DMD: variants seen among roughly 807,000 people sequenced by gnomAD.
DMD encodes the protein mutant dystrophin.
A neutral mutation model predicts 330.1 loss-of-function variants in DMD; 63 were observed. That is an observed-to-expected ratio of 0.19 (90% CI 0.16 to 0.24). DMD has a LOEUF of 0.24. Among genes scored for constraint, DMD ranks in the 10% least tolerant of loss-of-function variants. The pLI is 1.00. For missense variants in DMD, 3,344 were observed against 2,684.1 expected (o/e 1.25, Z -5.43); for synonymous variants, 1,223 against 959.8 (o/e 1.27, Z -5.07).
At chrX:32,318,508 C>T (rs3788898) in intron 41 of DMD, among the ~76,000 whole-genome samples, 1 of 111,062 alleles carries the variant, frequency 9.0e-6, no homozygotes, top group African/African-American at 3.3e-5. Context: ...AATAATCAAT[C>T]TAATGAGTCT....
rs776455213 is a variant in DMD at position 32,984,242 on chromosome X, C to A, written c.93+35897G>T. On this transcript the variant is annotated intron_variant, in intron 2 of 78. Transcript: ENST00000357033. Reference sequence around the variant, plus strand: ...GTGTGAGTGTAGGAGAGTTATTTAACCTCTGTGCTATTTATTTATTTACTT... The same window carrying A: ...GTGTGAGTGTAGGAGAGTTATTTAAACTCTGTGCTATTTATTTATTTACTT... Among the ~76,000 whole-genome samples, 3 of 111,843 alleles carry A rather than the reference C, an allele frequency of 2.7e-5. No individual in the cohort carries two copies. The South Asian group carries it at 1.1e-3, about 42-fold the overall frequency.
chrX:32,840,113 G>C (rs1438243081), intron 4 of DMD, among the ~76,000 whole-genome samples: 1 of 112,012 alleles, frequency 8.9e-6, no homozygotes, highest in Non-Finnish European at 1.9e-5. Context: ...TTGAGGTTTT[G>C]TCCTCTAACG....
intron 11 of DMD, among the ~76,000 whole-genome samples, chrX:32,634,706 A>G (rs1019923215): frequency 8.9e-6 from 1 of 111,786 alleles, no homozygotes; most frequent in African/African-American, 3.3e-5. Context: ...CTGAGCTGGT[A>G]TCCAAGCAGC....
intron 2 of DMD, among the ~76,000 whole-genome samples, chrX:32,932,778 G>A (rs777337264): frequency 9.0e-6 from 1 of 111,729 alleles, no homozygotes; most frequent in African/African-American, 3.3e-5. Flanking sequence ...ACCAGTTTCA[G>A]GGTACAGCTG....
At chrX:32,795,975 G>A (rs952862088) in intron 7 of DMD, among the ~76,000 whole-genome samples, 19 of 111,356 alleles carry the variant, frequency 1.7e-4, no homozygotes, top group African/African-American at 5.5e-4. Flanking sequence ...GAGGTGCAAC[G>A]AAAAGGGAAC....
chrX:31,893,305 C>T (rs1215700313), intron 47 of DMD, among the ~76,000 whole-genome samples: 2 of 111,098 alleles, frequency 1.8e-5, no homozygotes, highest in African/African-American at 6.5e-5. Context: ...AAAGAAGCAA[C>T]CTTACGTATG....
chrX:33,042,708 C>T (rs1004991622), intron 1 of DMD, among the ~76,000 whole-genome samples: 6 of 112,399 alleles, frequency 5.3e-5, no homozygotes, highest in Admixed American at 9.4e-5. Context: ...CAGCCTGTTG[C>T]TCTAATTATT....
chrX:32,704,500 G>A (rs1213876749), intron 7 of DMD, among the ~76,000 whole-genome samples: 1 of 111,887 alleles, frequency 8.9e-6, no homozygotes, highest in Non-Finnish European at 1.9e-5. Context: ...TTTCTGCCAA[G>A]GGACAGGCAG....
chrX:32,707,444 G>A (rs996845888), intron 7 of DMD, among the ~76,000 whole-genome samples: 6 of 111,840 alleles, frequency 5.4e-5, no homozygotes, highest in Non-Finnish European at 9.4e-5. Context: ...CAAATGCACA[G>A]AAGCTGGTGG....
At chrX:32,204,774 G>A (rs1308676346) in intron 44 of DMD, among the ~76,000 whole-genome samples, 1 of 109,678 alleles carries the variant, frequency 9.1e-6, no homozygotes, top group Non-Finnish European at 1.9e-5. Flanking sequence ...ATGGTGGAAG[G>A]CAAAGGGGAG....
chrX:32,637,154 G>A (rs1005244665), intron 11 of DMD, among the ~76,000 whole-genome samples: 3 of 111,687 alleles, frequency 2.7e-5, no homozygotes, highest in Non-Finnish European at 5.6e-5. Context: ...ACGTTTGGAA[G>A]ACTGTTTAAA....
intron 51 of DMD, among the ~76,000 whole-genome samples, chrX:31,751,177 C>T (rs1472962801): frequency 1.8e-5 from 2 of 109,269 alleles, no homozygotes; most frequent in Admixed American, 2.0e-4. Flanking sequence ...AAAAAAGAGC[C>T]CGCATCGCCA....
intron 44 of DMD, among the ~76,000 whole-genome samples, chrX:32,163,412 C>T (rs1217192523): frequency 8.9e-6 from 1 of 112,086 alleles, no homozygotes; most frequent in African/African-American, 3.2e-5. Flanking sequence ...AATGAGTTTA[C>T]TTAGAAAACT....
At chrX:31,821,323 A>G (rs2092753052) in intron 49 of DMD, among the ~76,000 whole-genome samples, 1 of 112,577 alleles carries the variant, frequency 8.9e-6, no homozygotes, top group Non-Finnish European at 1.9e-5. Flanking sequence ...TGCATTTTTA[A>G]CAATTTTCCA....
intron 37 of DMD, among the ~76,000 whole-genome samples, chrX:32,360,961 T>C (rs2097831212): frequency 9.0e-6 from 1 of 111,055 alleles, no homozygotes; most frequent in Admixed American, 9.8e-5. Flanking sequence ...AAATGAAAAC[T>C]CACAAACTTG....
intron 17 of DMD, among the ~76,000 whole-genome samples, chrX:32,535,828 T>C (rs189887764): frequency 8.9e-6 from 1 of 112,127 alleles, no homozygotes; most frequent in East Asian, 2.8e-4. Context: ...ATACCTACTA[T>C]GAGCTGACTT....
At chrX:32,770,919 A>G (rs1283844079) in intron 7 of DMD, among the ~76,000 whole-genome samples, 2 of 111,938 alleles carry the variant, frequency 1.8e-5, no homozygotes, top group Non-Finnish European at 3.8e-5. Context: ...GGATTTAGAG[A>G]GGGAAAGCCT....
At chrX:32,437,087 C>A (rs188209218) in intron 29 of DMD, among the ~76,000 whole-genome samples, 4 of 112,303 alleles carry the variant, frequency 3.6e-5, no homozygotes, top group Non-Finnish European at 1.9e-5. Flanking sequence ...ATTCCAATTC[C>A]ATATCACAAC....
chrX:32,152,009 G>C (rs1191379356), intron 44 of DMD, among the ~76,000 whole-genome samples: 1 of 111,892 alleles, frequency 8.9e-6, no homozygotes, highest in Non-Finnish European at 1.9e-5. Flanking sequence ...GCCCTGACCT[G>C]TGAGTATATA....
Sources: gnomAD v4.1 joint callset for allele counts (sites outside exome capture counted in the v4.1 genomes callset) on GRCh38, gnomAD v4.1.1 for gene constraint, MANE v1.5 for transcripts, NCBI Gene and HGNC (gene_info 2026-07-23, HGNC 2026-07-21) for gene names.